TBC1D32: variants seen among roughly 807,000 people sequenced by gnomAD.
TBC1D32 encodes the protein TBC1 domain family member 32.
A neutral mutation model predicts 170.3 loss-of-function variants in TBC1D32; 151 were observed. That is an observed-to-expected ratio of 0.89 (90% CI 0.78 to 1.01). The LOEUF is 1.01. TBC1D32 is among the 50% of genes least tolerant of loss of function. TBC1D32 has a pLI of 0.00. For synonymous variants in TBC1D32, 498 were observed against 488.0 expected (o/e 1.02, Z -0.27); for missense variants, 1,464 against 1,457.1 (o/e 1.00, Z -0.08).
intron 30 of TBC1D32, 100 bp downstream of exon 30, chr6:121,105,923 T>C: frequency 8.0e-7 from 1 of 1,248,828 alleles, no homozygotes; most frequent in Non-Finnish European, 1.1e-6. Context: ...AAATACACTT[T>C]TATTAATTTA....
chr6:121,213,543 TAAAATAAAATAAAATA>T, intron 21 of TBC1D32, among the ~76,000 whole-genome samples: 1 of 104,190 alleles, frequency 9.6e-6, no homozygotes, highest in African/African-American at 4.3e-5. Context: ...TAAAATAAAA[TAAAATAAAATAAAATA>T]AAATAAAATA....
chr6:121,085,246 CGT>C (rs561534333), intron 31 of TBC1D32, among the ~76,000 whole-genome samples: 1,667 of 117,890 alleles, frequency 0.014, 10 homozygotes, highest in South Asian at 0.044. Context: ...CATATACATA[CGT>C]ATATATATAC....
At chr6:121,216,755 T>G (rs1454525640) in intron 21 of TBC1D32, among the ~76,000 whole-genome samples, 1 of 152,174 alleles carries the variant, frequency 6.6e-6, no homozygotes, top group Non-Finnish European at 1.5e-5. Flanking sequence ...AATGATGAAC[T>G]CAGAGATTCT....
chr6:121,272,021 T>C (rs968557548), intron 15 of TBC1D32, among the ~76,000 whole-genome samples: 16 of 152,266 alleles, frequency 1.1e-4, no homozygotes, highest in African/African-American at 3.9e-4. Context: ...ATTCCCTATT[T>C]AATAAATGGT....
intron 12 of TBC1D32, among the ~76,000 whole-genome samples, chr6:121,290,282 T>A (rs1375835166): frequency 1.3e-5 from 2 of 152,046 alleles, no homozygotes; most frequent in African/African-American, 2.4e-5. Flanking sequence ...GAATCCACAA[T>A]GAACTCAAAC....
chr6:121,196,692 G>C (rs1790779353), intron 22 of TBC1D32, among the ~76,000 whole-genome samples: 1 of 152,198 alleles, frequency 6.6e-6, no homozygotes, highest in Non-Finnish European at 1.5e-5. Context: ...TCTTGAAGCA[G>C]ATGGATTGAT....
At position 121,290,362 on chromosome 6, in the gene TBC1D32, A is replaced by ATG. The variant is rs1804638324; in HGVS notation, c.1372+1690_1372+1691insCA. On this transcript the variant is annotated intron_variant, in intron 12 of 31. Transcript: ENST00000398212. Reference sequence around the variant, plus strand: ...AAGGATATAAACAGACACTTCTCAAAAGAAGACATTTATGCAGCCAAAAGA... The same window carrying ATG: ...AAGGATATAAACAGACACTTCTCAAATGAGAAGACATTTATGCAGCCAAAAGA... 1.2e-4 allele frequency among the ~76,000 whole-genome samples: 18 copies of ATG among 152,312 alleles called. No individual in the cohort carries two copies. The South Asian group carries it at 3.3e-3, about 28-fold the overall frequency.
chr6:121,154,037 T>TGCAA (rs1339578862), intron 24 of TBC1D32, among the ~76,000 whole-genome samples: 1 of 22,306 alleles, frequency 4.5e-5, no homozygotes. Flanking sequence ...GACACTAGGG[T>TGCAA]ACAAAAAAAA....
chr6:121,142,150 G>C (rs1782873247), intron 24 of TBC1D32, among the ~76,000 whole-genome samples: 1 of 152,210 alleles, frequency 6.6e-6, no homozygotes, highest in Non-Finnish European at 1.5e-5. Context: ...TTGACCCCTA[G>C]TGCCGGCAGT....
intron 31 of TBC1D32, among the ~76,000 whole-genome samples, chr6:121,085,348 TACATATATATAC>T (rs1179419361): frequency 8.8e-6 from 1 of 113,128 alleles, no homozygotes; most frequent in African/African-American, 6.4e-5. Context: ...TATATATACA[TACATATATATAC>T]ATATATATAT....
intron 27 of TBC1D32, 138 bp from the exon 28 acceptor site, chr6:121,113,315 A>G: frequency 5.8e-6 from 3 of 521,422 alleles, no homozygotes; most frequent in Admixed American, 7.4e-5. Context: ...GATGATTATG[A>G]TATATTTGGA....
chr6:121,217,084 T>G (rs1793921533), intron 21 of TBC1D32, among the ~76,000 whole-genome samples: 1 of 152,248 alleles, frequency 6.6e-6, no homozygotes, highest in Non-Finnish European at 1.5e-5. Context: ...CCATTTGGCC[T>G]GTGCAGAAGA....
intron 24 of TBC1D32, among the ~76,000 whole-genome samples, chr6:121,143,092 A>C (rs1783001098): frequency 6.6e-6 from 1 of 152,210 alleles, no homozygotes; most frequent in African/African-American, 2.4e-5. Context: ...CCATAATATA[A>C]GTTACAACAT....
chr6:121,081,094 A>G (rs1036223284), intron 31 of TBC1D32, among the ~76,000 whole-genome samples: 2 of 152,220 alleles, frequency 1.3e-5, no homozygotes, highest in African/African-American at 2.4e-5. Context: ...CCCCTTAAAT[A>G]AAGTTTTCTA....
chr6:121,144,683 A>G (rs1275362762), intron 24 of TBC1D32, among the ~76,000 whole-genome samples: 1 of 152,130 alleles, frequency 6.6e-6, no homozygotes, highest in East Asian at 1.9e-4. Context: ...AATACATGAG[A>G]TATGAGTTCA....
chr6:121,235,869 T>C (rs559310168), intron 20 of TBC1D32, among the ~76,000 whole-genome samples: 11 of 152,374 alleles, frequency 7.2e-5, no homozygotes, highest in South Asian at 2.1e-4. Context: ...AGCTGCAAGC[T>C]AGTCCTACCT....
intron 3 of TBC1D32, among the ~76,000 whole-genome samples, chr6:121,313,299 G>A (rs1366582471): frequency 1.4e-5 from 2 of 142,176 alleles, no homozygotes; most frequent in East Asian, 4.1e-4. Context: ...TTTTTGAGAC[G>A]GCATCTCACT....
chr6:121,179,095 TA>T (rs1335043551), intron 22 of TBC1D32, among the ~76,000 whole-genome samples: 4 of 152,116 alleles, frequency 2.6e-5, no homozygotes, highest in African/African-American at 9.7e-5. Flanking sequence ...ACTCCAACTT[TA>T]ACACCTAAGC....
chr6:121,140,425 T>G (rs980567018), intron 24 of TBC1D32, among the ~76,000 whole-genome samples: 1 of 151,964 alleles, frequency 6.6e-6, no homozygotes, highest in Non-Finnish European at 1.5e-5. Context: ...TAATATCATC[T>G]GAAACTATCT....
Sources: gnomAD v4.1 joint callset for allele counts (sites outside exome capture counted in the v4.1 genomes callset) on GRCh38, gnomAD v4.1.1 for gene constraint, MANE v1.5 for transcripts, NCBI Gene and HGNC (gene_info 2026-07-23, HGNC 2026-07-21) for gene names.